Variants in GNB1 observed in about 807,000 individuals in gnomAD.
The protein encoded by GNB1 is G protein subunit beta 1, also known as guanine nucleotide-binding protein G(I)/G(S)/G(T) subunit beta-1.
A neutral mutation model predicts 42.9 loss-of-function variants in GNB1; 2 were observed. That is an observed-to-expected ratio of 0.05 (90% CI 0.02 to 0.15). The LOEUF is 0.15. Among genes scored for constraint, GNB1 ranks in the 10% least tolerant of loss-of-function variants. The pLI, the probability that GNB1 is intolerant of heterozygous loss-of-function variation, is 1.00. For missense variants in GNB1, 193 were observed against 462.2 expected, an observed-to-expected ratio of 0.42 and a Z score of 5.34; for synonymous variants, 183 against 174.7, an observed-to-expected ratio of 1.05 and a Z score of -0.38.
At chr1:1,864,518 C>A (rs1648816492) in intron 1 of GNB1, among the ~76,000 whole-genome samples, 1 of 151,942 alleles carries the variant, frequency 6.6e-6, no homozygotes, top group Non-Finnish European at 1.5e-5. Context: ...ACCCATCCTG[C>A]CGATTACCAC....
At chr1:1,877,954 G>A (rs1649640032) in intron 1 of GNB1, among the ~76,000 whole-genome samples, 1 of 152,174 alleles carries the variant, frequency 6.6e-6, no homozygotes, top group Admixed American at 6.6e-5. Context: ...ATAGGAAGAG[G>A]CAAATGCAGA....
intron 5 of GNB1, among the ~76,000 whole-genome samples, chr1:1,808,010 CTT>C (rs568641346): frequency 2.6e-5 from 4 of 151,068 alleles, no homozygotes; most frequent in Non-Finnish European, 5.9e-5. Context: ...CGCCCGGCCT[CTT>C]TTTTTTGTTT....
chr1:1,887,804 G>A (rs935722904), intron 1 of GNB1, among the ~76,000 whole-genome samples: 1 of 152,012 alleles, frequency 6.6e-6, no homozygotes, highest in Non-Finnish European at 1.5e-5. Context: ...TAGTAGATAC[G>A]AGGTTTCGCT....
rs1481102787 is a variant in GNB1, at chr1:1,822,299, AC to A, written c.57+3097del. 4.0e-4 allele frequency among the ~76,000 whole-genome samples: 43 copies of A among 106,618 alleles called. 1 individual carries two copies. Among genetic ancestry groups the A allele is most frequent in the African/African-American group, 1.2e-3 (38 of 32,932 alleles). The allele number at this position is 106,618 out of a possible 152,430, so 69.9% of individuals were successfully genotyped here. On this transcript the variant is annotated intron_variant, in intron 3 of 11. Transcript: ENST00000378609. ...ACGGTGCCTGGCCGTCTCTCTTTTT[AC>A]TTTTTTTTTTTTTTTTTTTGAGACG...
chr1:1,788,422 T>A (rs1646435906), intron 10 of GNB1: 1 of 154,292 alleles, frequency 6.5e-6, no homozygotes, highest in Non-Finnish European at 1.4e-5. Flanking sequence ...ACTGTGAGAC[T>A]TGGCTGGAAA....
At chr1:1,846,438 G>A (rs1271685579) in intron 1 of GNB1, among the ~76,000 whole-genome samples, 1 of 152,084 alleles carries the variant, frequency 6.6e-6, no homozygotes, top group Non-Finnish European at 1.5e-5. Context: ...GTGGTGGCTG[G>A]CACCTGTAAT....
intron 1 of GNB1, among the ~76,000 whole-genome samples, chr1:1,861,933 G>A (rs1228771657): frequency 6.6e-6 from 1 of 152,174 alleles, no homozygotes; most frequent in African/African-American, 2.4e-5. Flanking sequence ...GGGCGCAGTG[G>A]CTCACGCCTG....
chr1:1,831,913 A>T (rs1208042215), intron 2 of GNB1, among the ~76,000 whole-genome samples: 1 of 151,584 alleles, frequency 6.6e-6, no homozygotes, highest in Non-Finnish European at 1.5e-5. Context: ...AAATGCAAAA[A>T]TTAGCTGGCG....
intron 1 of GNB1, among the ~76,000 whole-genome samples, chr1:1,861,277 A>C (rs569821603): frequency 6.6e-6 from 1 of 152,134 alleles, no homozygotes; most frequent in South Asian, 2.1e-4. Context: ...GGCAACATAA[A>C]GAGTCCTCAT....
intron 1 of GNB1, among the ~76,000 whole-genome samples, chr1:1,868,914 G>A (rs1240601821): frequency 6.6e-6 from 1 of 151,894 alleles, no homozygotes; most frequent in Non-Finnish European, 1.5e-5. Flanking sequence ...GCCAGGCGTG[G>A]TGACTCATGC....
At chr1:1,835,472 G>C (rs1647133622) in intron 2 of GNB1, among the ~76,000 whole-genome samples, 1 of 152,154 alleles carries the variant, frequency 6.6e-6, no homozygotes, top group Admixed American at 6.6e-5. Flanking sequence ...AATATGACTT[G>C]CTATGAAAGC....
At chr1:1,878,069 A>C (rs1649644631) in intron 1 of GNB1, among the ~76,000 whole-genome samples, 1 of 152,198 alleles carries the variant, frequency 6.6e-6, no homozygotes, top group Non-Finnish European at 1.5e-5. Flanking sequence ...CACTGTCACC[A>C]CGGCCAACTG....
At position 1,817,821 on chromosome 1, in the gene GNB1, C is replaced by G. The variant is rs1646877395; in HGVS notation, c.96+16G>C. 3 of 1,598,912 alleles carry G rather than the reference C, an allele frequency of 1.9e-6. No individual in the cohort carries two copies. The African/African-American group carries it at 4.0e-5, about 21-fold the overall frequency. On this transcript the variant is annotated intron_variant, in intron 4 of 11. Transcript: ENST00000378609. Reference sequence around the variant, plus strand: ...CTCACAGGCAGATGGCTCTGCGTGACTCAGTGGGCTCTTACCTGAGAGAGA... The same window carrying G: ...CTCACAGGCAGATGGCTCTGCGTGAGTCAGTGGGCTCTTACCTGAGAGAGA...
At chr1:1,798,366 G>C (rs1421965186) in intron 7 of GNB1, among the ~76,000 whole-genome samples, 1 of 152,198 alleles carries the variant, frequency 6.6e-6, no homozygotes, top group East Asian at 1.9e-4. Flanking sequence ...TGTGAGGCCT[G>C]TCAGAAAAAA....
chr1:1,868,414 C>T (rs563152157), intron 1 of GNB1, among the ~76,000 whole-genome samples: 9 of 152,282 alleles, frequency 5.9e-5, no homozygotes, highest in Non-Finnish European at 8.8e-5. Flanking sequence ...TGGCAATTGA[C>T]CTGCCTCAGC....
intron 1 of GNB1, among the ~76,000 whole-genome samples, chr1:1,866,883 G>A (rs985540241): frequency 1.3e-5 from 2 of 152,118 alleles, no homozygotes; most frequent in Admixed American, 6.6e-5. Flanking sequence ...CAACCCGGGA[G>A]GCGGAGCTTG....
chr1:1,810,776 T>C (rs1415474575), intron 5 of GNB1, among the ~76,000 whole-genome samples: 1 of 151,044 alleles, frequency 6.6e-6, no homozygotes, highest in Non-Finnish European at 1.5e-5. Flanking sequence ...CAAGCGATTA[T>C]CCTGCCTCAG....
intron 5 of GNB1, among the ~76,000 whole-genome samples, chr1:1,811,281 T>A (rs1361710544): frequency 6.6e-6 from 1 of 151,104 alleles, no homozygotes; most frequent in African/African-American, 2.4e-5. Context: ...AGAGATGGGG[T>A]TTCACCATGT....
rs537400668 is a variant in GNB1 at position 1,873,080 on chromosome 1, G to A, written c.-96+17740C>T. ...TGTTTTTTTTTTTTTCTTCATTTTC[G>A]GTAGAGATGCGGTCTCACTATGTTG... On this transcript the variant is annotated intron_variant, in intron 1 of 11. Coordinates refer to ENST00000378609, the MANE Select transcript of GNB1 (RefSeq NM_002074.5). Among the ~76,000 whole-genome samples, 6 of 150,320 alleles carry A rather than the reference G, an allele frequency of 4.0e-5. No individual in the cohort carries two copies. The South Asian group carries it at 6.3e-4, about 16-fold the overall frequency.
Sources: allele counts gnomAD v4.1 joint callset (sites outside exome capture counted in the v4.1 genomes callset), GRCh38; gene constraint gnomAD v4.1.1; transcripts MANE v1.5; gene names NCBI Gene and HGNC (gene_info 2026-07-23, HGNC 2026-07-21).